The following IQCM variants were observed in gnomAD, a reference collection of about 807,000 sequenced individuals.
IQCM encodes IQ motif containing M, also known as IQ domain-containing protein M.
In IQCM, 45 loss-of-function variants were observed where a neutral mutation model predicts 57.6. The ratio of observed to expected loss-of-function variants is 0.78; its 90% confidence interval spans 0.62 to 1.00. The LOEUF (loss-of-function observed/expected upper bound fraction) is 1.00, where lower values mean the gene tolerates loss of function less well. Ranked by LOEUF, IQCM falls within the 50% of genes least tolerant of loss-of-function variation. The pLI is 0.00. For synonymous variants in IQCM, 148 were observed against 158.9 expected (o/e 0.93, Z 0.51); for missense variants, 468 against 511.6 (o/e 0.91, Z 0.82).
At position 149,371,368 on chromosome 4, in the gene IQCM, T is replaced by G. The variant is rs577612304; in HGVS notation, c.1391-19302A>C. On this transcript the variant is annotated intron_variant, in intron 13 of 13. Coordinates refer to ENST00000636793, the MANE Select transcript of IQCM (RefSeq NM_001363507.2). ...ACAAATAATAAAGATTTCTCTCCAA[T>G]GTAGTACTGAGGCTGGCTCTGAGTG... Among the ~76,000 whole-genome samples the G allele has an allele frequency of 1.7e-4, 26 of 152,272 alleles. No homozygotes were observed. The South Asian group carries it at 5.2e-3, about 30-fold the overall frequency.
chr4:149,433,564 A>G lies in IQCM; in HGVS notation c.1229-7T>C, dbSNP rs1735067323. On this transcript the variant is annotated splice_region_variant and splice_polypyrimidine_tract_variant and intron_variant, in intron 12 of 13. Transcript: ENST00000636793. The stretch of plus-strand genomic sequence containing the variant: ...GAATATTTTTCTTTGCCATCTATAA[A>G]GAAAAGATAAAATATATAAAATTTT... 1 of 1,056,706 alleles carries G rather than the reference A, an allele frequency of 9.5e-7. No individual in the cohort carries two copies. The highest frequency in any genetic ancestry group is 4.3e-5 in the Admixed American group (1 of 23,426). 65.5% of individuals were successfully genotyped at this position (1,056,706 alleles called of 1,614,324 possible).
At chr4:149,802,479 T>C (rs28505722) in intron 2 of IQCM, among the ~76,000 whole-genome samples, 3,427 of 152,058 alleles carry the variant, frequency 0.023, 102 homozygotes, top group African/African-American at 0.068. Flanking sequence ...ACCAATGTTG[T>C]TTCTGTTAAC....
chr4:149,512,223 T>C (rs1162349752), intron 12 of IQCM, among the ~76,000 whole-genome samples: 2 of 152,170 alleles, frequency 1.3e-5, no homozygotes, highest in Non-Finnish European at 2.9e-5. Flanking sequence ...ATTGATCAGC[T>C]TCCCTTGGAA....
At chr4:149,621,069 T>C (rs1756289932) in intron 8 of IQCM, 60 bp downstream of exon 8, 8 of 736,662 alleles carry the variant, frequency 1.1e-5, no homozygotes, top group Non-Finnish European at 1.5e-5. Flanking sequence ...TCAAAATTAA[T>C]GCAATAATTT....
chr4:149,399,487 G>A (rs1212898177), intron 13 of IQCM, among the ~76,000 whole-genome samples: 2 of 152,018 alleles, frequency 1.3e-5, no homozygotes, highest in African/African-American at 4.8e-5. Flanking sequence ...AAAAAAGAGT[G>A]ATAGAAGGAG....
rs559081765 is a variant in IQCM, at chr4:149,792,525, A to G, written c.-49+22786T>C. 4.8e-4 allele frequency among the ~76,000 whole-genome samples: 73 copies of G among 152,268 alleles called. 1 individual carries two copies. Among genetic ancestry groups the G allele is most frequent in the African/African-American group, 1.6e-3 (68 of 41,566 alleles). On this transcript the variant is annotated intron_variant, in intron 2 of 13. Coordinates refer to ENST00000636793, the MANE Select transcript of IQCM (RefSeq NM_001363507.2). ...TATGTTTACACCAATTCATCACAGG[A>G]AAGTTAGACAGCCAGGGGGAAAATG...
intron 7 of IQCM, among the ~76,000 whole-genome samples, chr4:149,638,102 C>T (rs895503417): frequency 2.4e-4 from 36 of 152,032 alleles, no homozygotes; most frequent in African/African-American, 8.5e-4. Flanking sequence ...AAAGACAACT[C>T]GATTTTTAAA....
intron 3 of IQCM, among the ~76,000 whole-genome samples, chr4:149,738,628 C>G (rs534660298): frequency 6.6e-6 from 1 of 152,092 alleles, no homozygotes; most frequent in Non-Finnish European, 1.5e-5. Flanking sequence ...GATTACTGAG[C>G]AGAACAAGGC....
chr4:149,530,893 G>A (rs1746681748), intron 12 of IQCM, among the ~76,000 whole-genome samples: 1 of 142,828 alleles, frequency 7.0e-6, no homozygotes, highest in African/African-American at 2.6e-5. Context: ...AAATAGAGAG[G>A]CACAGATTCC....
chr4:149,667,241 C>A (rs1007031708), intron 7 of IQCM, among the ~76,000 whole-genome samples: 1 of 152,142 alleles, frequency 6.6e-6, no homozygotes, highest in East Asian at 1.9e-4. Flanking sequence ...GAGCAGGCAG[C>A]AATCTTAGCT....
chr4:149,704,773 T>C (rs1398779674), intron 5 of IQCM, among the ~76,000 whole-genome samples: 2 of 151,888 alleles, frequency 1.3e-5, no homozygotes, highest in Non-Finnish European at 2.9e-5. Context: ...GTGAGGATGT[T>C]TCCAGAAAAT....
intron 12 of IQCM, among the ~76,000 whole-genome samples, chr4:149,540,306 G>C (rs1482704591): frequency 6.7e-6 from 1 of 149,122 alleles, no homozygotes; most frequent in Admixed American, 6.8e-5. Flanking sequence ...TCTAGTATGT[G>C]GGATTGCAAT....
chr4:149,685,077 T>A (rs186188624), intron 6 of IQCM, among the ~76,000 whole-genome samples: 64 of 151,654 alleles, frequency 4.2e-4, no homozygotes, highest in Middle Eastern at 3.4e-3. Context: ...TAGTCAACTC[T>A]CTTAAGAAAG....
At chr4:149,434,818 C>A (rs948062056) in intron 12 of IQCM, among the ~76,000 whole-genome samples, 2 of 152,086 alleles carry the variant, frequency 1.3e-5, no homozygotes, top group Non-Finnish European at 2.9e-5. Flanking sequence ...CCTGCAACTT[C>A]TCTGGCATCT....
chr4:149,569,807 C>T (rs1164210940), intron 9 of IQCM, among the ~76,000 whole-genome samples: 4 of 152,136 alleles, frequency 2.6e-5, no homozygotes, highest in Admixed American at 6.6e-5. Flanking sequence ...CAGAAAACTT[C>T]ATATGGTAAT....
chr4:149,508,804 T>C (rs1196765132), intron 12 of IQCM, among the ~76,000 whole-genome samples: 6 of 152,172 alleles, frequency 3.9e-5, no homozygotes, highest in Admixed American at 6.5e-5. Context: ...GGTGGAATGA[T>C]ATGGTTTGGC....
At chr4:149,745,974 A>T (rs1156847339) in intron 2 of IQCM, among the ~76,000 whole-genome samples, 1 of 152,030 alleles carries the variant, frequency 6.6e-6, no homozygotes, top group Non-Finnish European at 1.5e-5. Flanking sequence ...CCTGTCTCAA[A>T]GAAAAGAAAA....
chr4:149,700,225 T>C (rs893239009), intron 5 of IQCM, among the ~76,000 whole-genome samples: 4 of 152,066 alleles, frequency 2.6e-5, no homozygotes, highest in African/African-American at 9.7e-5. Context: ...AGGTCTGACA[T>C]ACTCCTTTCC....
intron 7 of IQCM, among the ~76,000 whole-genome samples, chr4:149,630,959 T>C (rs2150092942): frequency 6.6e-6 from 1 of 152,266 alleles, no homozygotes; most frequent in African/African-American, 2.4e-5. Flanking sequence ...ATTCCTGATA[T>C]AAAACTTTCC....
Sources: allele counts gnomAD v4.1 joint callset (sites outside exome capture counted in the v4.1 genomes callset), GRCh38; gene constraint gnomAD v4.1.1; transcripts MANE v1.5; gene names NCBI Gene and HGNC (gene_info 2026-07-23, HGNC 2026-07-21).